PLAG1: variants seen among roughly 807,000 people sequenced by gnomAD.
PLAG1 encodes the protein zinc finger protein PLAG1.
A neutral mutation model predicts 35.5 loss-of-function variants in PLAG1; 7 were observed. That is an observed-to-expected ratio of 0.20 (90% CI 0.11 to 0.37). The LOEUF (loss-of-function observed/expected upper bound fraction) is 0.37. Ranked by LOEUF, PLAG1 falls within the 10% of genes least tolerant of loss-of-function variation. The pLI is 1.00. For synonymous variants in PLAG1, 229 were observed against 225.4 expected, an observed-to-expected ratio of 1.02 and a Z score of -0.14; for missense variants, 454 against 602.8, an observed-to-expected ratio of 0.75 and a Z score of 2.58.
intron 1 of PLAG1, among the ~76,000 whole-genome samples, chr8:56,197,281 C>A (rs766453094): frequency 6.6e-6 from 1 of 152,122 alleles, no homozygotes; most frequent in Non-Finnish European, 1.5e-5. Flanking sequence ...GGAGTGAGTG[C>A]GTCTCCGCTC....
At chr8:56,182,740 A>G (rs1811906965) in intron 1 of PLAG1, among the ~76,000 whole-genome samples, 1 of 152,202 alleles carries the variant, frequency 6.6e-6, no homozygotes, top group South Asian at 2.1e-4. Context: ...AAAACAAGGT[A>G]GGGGGAAACT....
intron 1 of PLAG1, among the ~76,000 whole-genome samples, chr8:56,179,917 A>G (rs1247997177): frequency 2.6e-5 from 4 of 152,086 alleles, no homozygotes; most frequent in Non-Finnish European, 4.4e-5. Context: ...ATCTTGCCCC[A>G]TGAGTGCTTT....
chr8:56,197,066 C>T (rs990971504), intron 1 of PLAG1, among the ~76,000 whole-genome samples: 1 of 151,936 alleles, frequency 6.6e-6, no homozygotes, highest in African/African-American at 2.4e-5. Flanking sequence ...TTCTGTCTCT[C>T]CCCCCAACTC....
At chr8:56,198,598 G>A (rs1010804585) in intron 1 of PLAG1, among the ~76,000 whole-genome samples, 11 of 152,144 alleles carry the variant, frequency 7.2e-5, no homozygotes, top group African/African-American at 2.7e-4. Flanking sequence ...CCCCTATCTC[G>A]CTCCCTCTGC....
chr8:56,210,286 A>T (rs1021073645), intron 1 of PLAG1, among the ~76,000 whole-genome samples: 29 of 152,228 alleles, frequency 1.9e-4, no homozygotes, highest in South Asian at 2.1e-4. Flanking sequence ...GCGATTTTTT[A>T]AAAATTTTTA....
At chr8:56,207,540 T>C (rs1028800137) in intron 1 of PLAG1, among the ~76,000 whole-genome samples, 7 of 152,054 alleles carry the variant, frequency 4.6e-5, no homozygotes, top group African/African-American at 1.7e-4. Context: ...TATACAGATA[T>C]AGAATGTGTC....
At position 56,160,951 on chromosome 8, in the gene PLAG1, A is replaced by G. The variant is rs1249571156; in HGVS notation, c.*5292T>C. 1 of 177,990 alleles carries G rather than the reference A, an allele frequency of 5.6e-6. No homozygotes were observed. Among genetic ancestry groups the G allele is most frequent in the Admixed American group, 6.3e-5 (1 of 15,870 alleles). The allele number at this position is 177,990 out of a possible 1,614,324, so 11.0% of individuals were successfully genotyped here. On this transcript the variant is annotated 3_prime_UTR_variant, in exon 5 of 5. Transcript: ENST00000316981. Reference sequence around the variant, plus strand: ...TTTATTCATATATTTTGTGGAATTCACATATCTTATTCTTACAGCAAACAT... The same window carrying G: ...TTTATTCATATATTTTGTGGAATTCGCATATCTTATTCTTACAGCAAACAT...
chr8:56,184,183 G>GA (rs1811950949), intron 1 of PLAG1, among the ~76,000 whole-genome samples: 1 of 152,092 alleles, frequency 6.6e-6, no homozygotes, highest in African/African-American at 2.4e-5. Flanking sequence ...CAAAAGATCT[G>GA]ATCAGACATT....
chr8:56,171,216 A>G (rs1811513713), intron 2 of PLAG1, 27 bp from the exon 3 acceptor site: 1 of 493,452 alleles, frequency 2.0e-6, no homozygotes, highest in African/African-American at 2.1e-5. Context: ...AAAATGGACT[A>G]TCCTCTAAAT....
At chr8:56,204,781 T>G (rs1403119194) in intron 1 of PLAG1, among the ~76,000 whole-genome samples, 2 of 151,874 alleles carry the variant, frequency 1.3e-5, no homozygotes, top group Admixed American at 1.3e-4. Context: ...ATTTAATGAG[T>G]GAAAGGCTAA....
intron 1 of PLAG1, among the ~76,000 whole-genome samples, chr8:56,182,746 A>G (rs544207784): frequency 2.6e-4 from 39 of 152,334 alleles, no homozygotes; most frequent in African/African-American, 9.1e-4. Flanking sequence ...AGGTAGGGGG[A>G]AACTCAAGAT....
chr8:56,191,401 G>A (rs1472256724), intron 1 of PLAG1, among the ~76,000 whole-genome samples: 1 of 152,208 alleles, frequency 6.6e-6, no homozygotes, highest in Admixed American at 6.5e-5. Context: ...CGAGCCTGTG[G>A]TCAGCAATGG....
intron 1 of PLAG1, among the ~76,000 whole-genome samples, chr8:56,181,097 G>C (rs1275781615): frequency 6.6e-6 from 1 of 152,204 alleles, no homozygotes; most frequent in Non-Finnish European, 1.5e-5. Flanking sequence ...GGAGAAATAG[G>C]AATGCTTTTA....
chr8:56,197,251 G>C (rs990764822), intron 1 of PLAG1, among the ~76,000 whole-genome samples: 8 of 152,134 alleles, frequency 5.3e-5, no homozygotes, highest in Non-Finnish European at 1.0e-4. Flanking sequence ...ATCCGGGGCT[G>C]TGTGTCTCCC....
chr8:56,194,496 G>C (rs1251661999), intron 1 of PLAG1, among the ~76,000 whole-genome samples: 2 of 152,176 alleles, frequency 1.3e-5, no homozygotes, highest in Non-Finnish European at 2.9e-5. Flanking sequence ...CATGCAGTGG[G>C]TGCACTACAG....
chr8:56,163,482 T>C lies in PLAG1; in HGVS notation c.*2761A>G. ...AAAAAGGGTTTAGTGACCACTACAG[T>C]CAATTTTAAAAACAAATTAGCTGAA... On this transcript the variant is annotated 3_prime_UTR_variant, in exon 5 of 5. Transcript: ENST00000316981. 5.0e-6 allele frequency: 1 copy of C among 199,428 alleles called. No homozygotes were observed. The highest frequency in any genetic ancestry group is 1.0e-5 in the Non-Finnish European group (1 of 96,170). 12.4% of individuals were successfully genotyped at this position (199,428 alleles called of 1,614,324 possible).
intron 2 of PLAG1, among the ~76,000 whole-genome samples, chr8:56,172,232 G>A (rs1233834473): frequency 6.6e-6 from 1 of 152,112 alleles, no homozygotes; most frequent in Non-Finnish European, 1.5e-5. Flanking sequence ...TCTAAATAAA[G>A]TATTTAATAG....
intron 1 of PLAG1, among the ~76,000 whole-genome samples, chr8:56,193,695 CTTT>C (rs760038291): frequency 4.6e-5 from 6 of 130,790 alleles, no homozygotes; most frequent in African/African-American, 8.5e-5. Flanking sequence ...ATTAGGTAAA[CTTT>C]TTTTTTTTTT....
At chr8:56,192,141 G>T (rs994446051) in intron 1 of PLAG1, among the ~76,000 whole-genome samples, 1 of 152,184 alleles carries the variant, frequency 6.6e-6, no homozygotes, top group African/African-American at 2.4e-5. Flanking sequence ...CCATGGTGGG[G>T]AAAGTGAAGG....
Sources: gnomAD v4.1 joint callset for allele counts (sites outside exome capture counted in the v4.1 genomes callset) on GRCh38, gnomAD v4.1.1 for gene constraint, MANE v1.5 for transcripts, NCBI Gene and HGNC (gene_info 2026-07-23, HGNC 2026-07-21) for gene names.